Variants in TBC1D9 observed in about 807,000 individuals in gnomAD.
TBC1D9 encodes the protein TBC1 domain family member 9A.
A neutral mutation model predicts 132.0 loss-of-function variants in TBC1D9; 63 were observed. That is an observed-to-expected ratio of 0.48 (90% CI 0.39 to 0.59). TBC1D9 has a LOEUF of 0.59. Ranked by LOEUF, TBC1D9 falls within the 20% of genes least tolerant of loss-of-function variation. TBC1D9 has a pLI of 0.00. For missense variants in TBC1D9, 1,261 were observed against 1,592.7 expected (o/e 0.79, Z 3.54); for synonymous variants, 610 against 609.9 (o/e 1.00, Z 0.00).
intron 1 of TBC1D9, among the ~76,000 whole-genome samples, chr4:140,718,449 A>G (rs540831603): frequency 1.3e-5 from 2 of 152,226 alleles, no homozygotes; most frequent in East Asian, 3.9e-4. Flanking sequence ...GCTACCCTAT[A>G]TAATCCTCCA....
intron 9 of TBC1D9, among the ~76,000 whole-genome samples, chr4:140,665,109 G>GAAA (rs373062026): frequency 3.3e-5 from 2 of 60,116 alleles, no homozygotes; most frequent in East Asian, 6.3e-4. Context: ...TCAGTCTCCA[G>GAAA]AAAAAAAAAA....
intron 1 of TBC1D9, among the ~76,000 whole-genome samples, chr4:140,738,193 G>C (rs985157658): frequency 3.9e-5 from 6 of 152,024 alleles, no homozygotes; most frequent in African/African-American, 1.5e-4. Context: ...GAAAATCTTG[G>C]GACCTCAAAC....
At chr4:140,680,979 A>G (rs765246839) in intron 3 of TBC1D9, among the ~76,000 whole-genome samples, 1 of 152,170 alleles carries the variant, frequency 6.6e-6, no homozygotes, top group Non-Finnish European at 1.5e-5. Flanking sequence ...TAATGTTTTA[A>G]TTTTTATTTT....
intron 1 of TBC1D9, among the ~76,000 whole-genome samples, chr4:140,732,855 AC>A (rs1738616008): frequency 6.6e-6 from 1 of 152,248 alleles, no homozygotes; most frequent in Non-Finnish European, 1.5e-5. Context: ...TCCTATTGAT[AC>A]AATCCAACAG....
At chr4:140,644,423 G>A (rs906840592) in intron 13 of TBC1D9, 3 of 292,512 alleles carry the variant, frequency 1.0e-5, no homozygotes, top group South Asian at 3.1e-5. Flanking sequence ...CCTTCAGGGC[G>A]GCCATGGGGG....
At chr4:140,655,373 T>C (rs1489276428) in intron 13 of TBC1D9, among the ~76,000 whole-genome samples, 1 of 152,230 alleles carries the variant, frequency 6.6e-6, no homozygotes, top group African/African-American at 2.4e-5. Flanking sequence ...TAGCAATTTT[T>C]TTTAAAAGCA....
At chr4:140,737,592 T>C (rs1271941101) in intron 1 of TBC1D9, among the ~76,000 whole-genome samples, 3 of 152,148 alleles carry the variant, frequency 2.0e-5, no homozygotes, top group South Asian at 4.1e-4. Context: ...AGACAAGCAC[T>C]AACATGTTTA....
At chr4:140,742,286 C>A (rs776630113) in intron 1 of TBC1D9, among the ~76,000 whole-genome samples, 2 of 152,062 alleles carry the variant, frequency 1.3e-5, no homozygotes, top group South Asian at 2.1e-4. Context: ...GTAATCCCAG[C>A]ACTTTGGGAG....
intron 1 of TBC1D9, among the ~76,000 whole-genome samples, chr4:140,747,112 C>T (rs1041998142): frequency 1.3e-5 from 2 of 151,996 alleles, no homozygotes; most frequent in Admixed American, 6.6e-5. Flanking sequence ...CTTTGGGAGG[C>T]CTAAATGGGC....
At position 140,706,329 on chromosome 4, in the gene TBC1D9, G is replaced by C. The variant is rs925443714; in HGVS notation, c.131-4715C>G. Among the ~76,000 whole-genome samples, 2 of 152,174 alleles carry C rather than the reference G, an allele frequency of 1.3e-5. No individual in the cohort carries two copies. Among genetic ancestry groups the C allele is most frequent in the African/African-American group, 4.8e-5 (2 of 41,438 alleles). ...AGGAAATCCATGGCAGAGTGGTCAG[G>C]GGAGTGGGCTCAGCTTTGGCTCACA... On this transcript the variant is annotated intron_variant, in intron 1 of 20. Transcript: ENST00000442267. This position sits in a 1 kb window ranked among gnomAD's most constrained non-coding sequence, Gnocchi z 4.0.
Position 140,634,012 on chromosome 4 carries a change from C to G in TBC1D9, c.2682G>C (p.Leu894Phe). Residue 894 changes from leucine to phenylalanine, a missense_variant, in exon 16 of 21, where the codon TTG (leucine) becomes TTC (phenylalanine). Physicochemically the swap from Leu to Phe is conservative, Grantham distance 22. Around this residue, in one of 3 missense-constraint regions of TBC1D9, gnomAD observed 618 missense variants for 724.4 expected, o/e 0.85. Transcript: ENST00000442267. Reference sequence around the variant, plus strand: ...CTCCATTTTCATCTAATAACTGGAACAAGCGGGAGGCCAGAACGTCAGAGT... The same window carrying G: ...CTCCATTTTCATCTAATAACTGGAAGAAGCGGGAGGCCAGAACGTCAGAGT... ...GTHSDVLASRLFQLLDENGDS... is the reference protein window; with the variant it reads ...GTHSDVLASRFFQLLDENGDS... The G allele has an allele frequency of 6.2e-7, 1 of 1,613,984 alleles. No homozygotes were observed. The highest frequency in any genetic ancestry group is 8.5e-7 in the Non-Finnish European group (1 of 1,179,882).
At chr4:140,724,072 T>C (rs956756345) in intron 1 of TBC1D9, among the ~76,000 whole-genome samples, 1 of 152,190 alleles carries the variant, frequency 6.6e-6, no homozygotes, top group African/African-American at 2.4e-5. Context: ...ACTTCTCAAC[T>C]ATTGAGGTGG....
intron 6 of TBC1D9, among the ~76,000 whole-genome samples, chr4:140,673,949 T>C (rs17418297): frequency 0.13 from 19,249 of 152,222 alleles, 1,389 homozygotes; most frequent in Non-Finnish European, 0.16. Flanking sequence ...GATGTCTTGA[T>C]AGCGGCTTCC....
chr4:140,747,749 T>A (rs114066640), intron 1 of TBC1D9, among the ~76,000 whole-genome samples: 2 of 152,052 alleles, frequency 1.3e-5, no homozygotes, highest in Admixed American at 6.5e-5. Flanking sequence ...GGGACCAGGA[T>A]AGGAGTTAGT....
intron 13 of TBC1D9, 37 bp downstream of exon 13, chr4:140,657,060 A>G (rs760282612): frequency 8.7e-6 from 14 of 1,604,960 alleles, no homozygotes; most frequent in Non-Finnish European, 1.2e-5. Context: ...TGTCGAATGC[A>G]TGGTTAAGCC....
rs578071480 is a variant in TBC1D9, at chr4:140,730,145, A to T, written c.130+25771T>A. 5.3e-5 allele frequency among the ~76,000 whole-genome samples: 8 copies of T among 152,304 alleles called. No individual in the cohort carries two copies. In the South Asian group the frequency reaches 1.7e-3, roughly 32 times the overall value. The stretch of plus-strand genomic sequence containing the variant: ...AGCCCTTGAGTCCCACTCTGATTCC[A>T]GGCACTAAAAAGCTTTTTCTAAGAG... On this transcript the variant is annotated intron_variant, in intron 1 of 20. Coordinates refer to ENST00000442267, the MANE Select transcript of TBC1D9 (RefSeq NM_015130.3).
Position 140,628,310 on chromosome 4 carries a change from G to A in TBC1D9, c.2802C>T (p.His934=), listed in dbSNP as rs554890813. ...TEKLKLLYKM[H]VLPEPSSDQD... is the part of the protein sequence containing the mutation. ...ATGTAGCTCACTCACCAGGCAAGAC[G>A]TGCATTTTGTACAGGAGTTTGAGCT... Residue 934 remains histidine, a synonymous_variant, in exon 17 of 21, where the codon CAC becomes CAT. Transcript: ENST00000442267. 28 of 1,613,878 alleles carry A rather than the reference G, an allele frequency of 1.7e-5. No homozygotes were observed. Among genetic ancestry groups the A allele is most frequent in the East Asian group, 2.2e-5 (1 of 44,884 alleles).
rs1736839144 is a variant in TBC1D9, at chr4:140,634,113, G to C, written c.2581C>G (p.Leu861Val). The stretch of plus-strand genomic sequence containing the variant: ...TCGAAGTCAATGCGATACTGTTCCA[G>C]GTAGGGCAGGCTGGGGTCATGCCGG... The part of the protein sequence containing the change: ...LDRHDPSLPY[L>V]EQYRIDFEQF... Residue 861 changes from leucine (L) to valine (V), a missense_variant, in exon 16 of 21, where the codon CTG (leucine) becomes GTG (valine). Around this residue, in one of 3 missense-constraint regions of TBC1D9, gnomAD observed 618 missense variants for 724.4 expected, o/e 0.85. Coordinates refer to ENST00000442267, the MANE Select transcript of TBC1D9 (RefSeq NM_015130.3). 1.2e-6 allele frequency: 2 copies of C among 1,613,914 alleles called. No individual in the cohort carries two copies. Among genetic ancestry groups the C allele is most frequent in the African/African-American group, 1.3e-5 (1 of 74,942 alleles).
At chr4:140,742,064 C>A (rs569701479) in intron 1 of TBC1D9, among the ~76,000 whole-genome samples, 1 of 152,280 alleles carries the variant, frequency 6.6e-6, no homozygotes, top group Admixed American at 6.5e-5. Flanking sequence ...TGACCCCGGG[C>A]ACATGTTCTC....
Sources: gnomAD v4.1 joint callset for allele counts (sites outside exome capture counted in the v4.1 genomes callset) on GRCh38, gnomAD v4.1.1 for gene constraint, gnomAD v4.1.1 regional missense constraint, Gnocchi (gnomAD v3.1) non-coding constraint, MANE v1.5 for transcripts, NCBI Gene and HGNC (gene_info 2026-07-23, HGNC 2026-07-21) for gene names.